CHN2: variants seen among roughly 807,000 people sequenced by gnomAD.
CHN2 encodes chimerin 2.
CHN2 carries 35 observed loss-of-function variants against 56.3 expected under a neutral mutation model. That is an observed-to-expected ratio of 0.62 (90% CI 0.47 to 0.82). The LOEUF (loss-of-function observed/expected upper bound fraction) is 0.82, where lower values mean the gene tolerates loss of function less well. Among genes scored for constraint, CHN2 ranks in the 40% least tolerant of loss-of-function variants. The pLI is 0.00. For synonymous variants in CHN2, 210 were observed against 212.8 expected (o/e 0.99, Z 0.12); for missense variants, 491 against 580.5 (o/e 0.85, Z 1.58).
chr7:29,405,877 T>C (rs1037885439), intron 6 of CHN2, among the ~76,000 whole-genome samples: 2 of 152,238 alleles, frequency 1.3e-5, no homozygotes, highest in African/African-American at 4.8e-5. Flanking sequence ...TCTGCTGGCC[T>C]GTCCCGGTAT....
chr7:29,457,780 TC>T (rs1784876660), intron 6 of CHN2, among the ~76,000 whole-genome samples: 1 of 152,132 alleles, frequency 6.6e-6, no homozygotes, highest in Admixed American at 6.5e-5. Context: ...AGTGCGCGCT[TC>T]CATTTCAGTG....
At chr7:29,406,031 C>T (rs183038458) in intron 6 of CHN2, among the ~76,000 whole-genome samples, 3 of 152,318 alleles carry the variant, frequency 2.0e-5, no homozygotes, top group Non-Finnish European at 4.4e-5. Flanking sequence ...GTGCCATGCT[C>T]GCATCTCATG....
chr7:29,363,096 C>A (rs868004334), intron 2 of CHN2, among the ~76,000 whole-genome samples: 1 of 152,186 alleles, frequency 6.6e-6, no homozygotes, highest in Non-Finnish European at 1.5e-5. Flanking sequence ...CCCTTTGACT[C>A]CTGTTACACA....
At chr7:29,388,854 T>C (rs1024552385) in intron 3 of CHN2, among the ~76,000 whole-genome samples, 1 of 152,220 alleles carries the variant, frequency 6.6e-6, no homozygotes. Context: ...GTGTGTGGAC[T>C]GTGGATAGTA....
intron 9 of CHN2, among the ~76,000 whole-genome samples, chr7:29,502,923 C>T (rs561900067): frequency 1.3e-5 from 2 of 152,202 alleles, no homozygotes; most frequent in African/African-American, 2.4e-5. Context: ...CAACAGGCCC[C>T]GGTGTGTGGT....
At chr7:29,336,849 A>T (rs1360847102) in intron 1 of CHN2, among the ~76,000 whole-genome samples, 1 of 150,852 alleles carries the variant, frequency 6.6e-6, no homozygotes, top group Non-Finnish European at 1.5e-5. Flanking sequence ...TGAAAACAAC[A>T]AGCATTCCAC....
intron 1 of CHN2, among the ~76,000 whole-genome samples, chr7:29,351,933 A>G (rs1446901490): frequency 6.6e-6 from 1 of 152,238 alleles, no homozygotes; most frequent in East Asian, 1.9e-4. Flanking sequence ...TTATGTTGCC[A>G]ACAAGGAGCA....
At chr7:29,183,759 G>A (rs1798360496) in intron 2 of CHN2, among the ~76,000 whole-genome samples, 1 of 152,082 alleles carries the variant, frequency 6.6e-6, no homozygotes, top group Non-Finnish European at 1.5e-5. Context: ...TATATGTATA[G>A]GATATATGAT....
intron 1 of CHN2, among the ~76,000 whole-genome samples, chr7:29,268,321 C>CACACACACAA (rs1790322079): frequency 6.6e-6 from 1 of 151,490 alleles, no homozygotes; most frequent in Non-Finnish European, 1.5e-5. Flanking sequence ...CACACACACA[C>CACACACACAA]AATGTCCTTC....
Position 29,400,586 on chromosome 7 carries a change from A to G in CHN2, c.334A>G (p.Lys112Glu), listed in dbSNP as rs757031409. 1 of 1,614,186 alleles carries G rather than the reference A, an allele frequency of 6.2e-7. No homozygotes were observed. The highest frequency in any genetic ancestry group is 8.5e-7 in the Non-Finnish European group (1 of 1,180,040). Residue 112 changes from lysine (K) to glutamate (E), a missense_variant, in exon 6 of 13, where the codon AAA becomes GAA. Physicochemically the swap from Lys to Glu is moderately conservative, Grantham distance 56. Coordinates refer to ENST00000222792, the MANE Select transcript of CHN2 (RefSeq NM_004067.4). Reference sequence around the variant, plus strand: ...AAACTACAGGCTCTTCCACGACGGGAAACACTTTGTGGGTGAGAAGAGGTT... The same window carrying G: ...AAACTACAGGCTCTTCCACGACGGGGAACACTTTGTGGGTGAGAAGAGGTT... The part of the protein sequence containing the change: ...TLNYRLFHDG[K>E]HFVGEKRFES...
At chr7:29,205,505 T>A (rs1784453137) in intron 1 of CHN2, among the ~76,000 whole-genome samples, 1 of 152,166 alleles carries the variant, frequency 6.6e-6, no homozygotes, top group African/African-American at 2.4e-5. Context: ...GAACAAAACC[T>A]AAAAATCCCT....
intron 6 of CHN2, among the ~76,000 whole-genome samples, chr7:29,477,876 C>T (rs1228606466): frequency 6.6e-6 from 1 of 152,244 alleles, no homozygotes; most frequent in African/African-American, 2.4e-5. Flanking sequence ...CCTATATGTA[C>T]ATGTGCTTTC....
Position 29,406,908 on chromosome 7 carries a change from G to A in CHN2, c.576+6080G>A, listed in dbSNP as rs143332459. Among the ~76,000 whole-genome samples, 416 of 152,250 alleles carry A rather than the reference G, an allele frequency of 2.7e-3. 2 individuals are homozygous for A. The highest frequency in any genetic ancestry group is 0.01 in the Middle Eastern group (3 of 294). On this transcript the variant is annotated intron_variant, in intron 6 of 12. Transcript: ENST00000222792. ...AATTCTAACGCCCTCCACCTCACTCGGTGAAGCAAGCACTGATTGAATGAA... is the reference window on the plus strand; with the variant it reads ...AATTCTAACGCCCTCCACCTCACTCAGTGAAGCAAGCACTGATTGAATGAA...
chr7:29,173,904 A>G (rs1796926309), intron 2 of CHN2, among the ~76,000 whole-genome samples: 1 of 151,542 alleles, frequency 6.6e-6, no homozygotes, highest in Non-Finnish European at 1.5e-5. Context: ...GTGAGCTGAG[A>G]TCACACCACT....
chr7:29,402,201 C>T (rs1245708688), intron 6 of CHN2, among the ~76,000 whole-genome samples: 1 of 152,146 alleles, frequency 6.6e-6, no homozygotes, highest in East Asian at 1.9e-4. Flanking sequence ...GCACCGTGGT[C>T]CCGTTGGTGG....
chr7:29,313,107 C>G (rs11984147), intron 1 of CHN2, among the ~76,000 whole-genome samples: 4,708 of 152,264 alleles, frequency 0.031, 95 homozygotes, highest in Middle Eastern at 0.041. Context: ...CAGTATTCCT[C>G]TATCCCTGTC....
At chr7:29,368,020 TA>T in intron 3 of CHN2, 33 bp downstream of exon 3, 1 of 1,573,586 alleles carries the variant, frequency 6.4e-7, no homozygotes, top group Non-Finnish European at 8.7e-7. Flanking sequence ...TACACCTTGT[TA>T]AATATGATGA....
intron 3 of CHN2, among the ~76,000 whole-genome samples, chr7:29,377,637 T>TGGAAC (rs1800173674): frequency 2.1e-5 from 2 of 93,306 alleles, no homozygotes; most frequent in Non-Finnish European, 4.6e-5. Flanking sequence ...TAAAAGCCAG[T>TGGAAC]CCAGAGCAGG....
At chr7:29,473,362 T>C (rs899325725) in intron 6 of CHN2, among the ~76,000 whole-genome samples, 9 of 152,096 alleles carry the variant, frequency 5.9e-5, no homozygotes, top group African/African-American at 2.2e-4. Context: ...AAGAGCACAT[T>C]ACAATCCCCT....
Sources: allele counts gnomAD v4.1 joint callset (sites outside exome capture counted in the v4.1 genomes callset), GRCh38; gene constraint gnomAD v4.1.1; transcripts MANE v1.5; gene names NCBI Gene and HGNC (gene_info 2026-07-23, HGNC 2026-07-21).